The following ZNF644 variants were observed in gnomAD, a reference collection of about 807,000 sequenced individuals.
The protein encoded by ZNF644 is zinc finger protein 644.
Under a neutral mutation model 108.0 loss-of-function variants are expected in ZNF644, and 20 were observed. The observed-to-expected ratio is 0.19, with a 90% confidence interval of 0.13 to 0.27. The LOEUF is 0.27. Ranked by LOEUF, ZNF644 falls within the 10% of genes least tolerant of loss-of-function variation. The pLI is 1.00. For missense variants in ZNF644, 1,338 were observed against 1,548.9 expected, an observed-to-expected ratio of 0.86 and a Z score of 2.29; for synonymous variants, 542 against 539.1, an observed-to-expected ratio of 1.01 and a Z score of -0.08.
At chr1:90,936,514 T>G (rs546819506) in intron 4 of ZNF644, among the ~76,000 whole-genome samples, 1 of 152,150 alleles carries the variant, frequency 6.6e-6, no homozygotes, top group African/African-American at 2.4e-5. Context: ...GCATTACAAC[T>G]ATTCGGGATA....
chr1:90,954,411 C>CTT (rs907082184), intron 2 of ZNF644, among the ~76,000 whole-genome samples: 82 of 145,572 alleles, frequency 5.6e-4, no homozygotes, highest in African/African-American at 1.9e-3. Context: ...TCAGGTTCCA[C>CTT]TTTTTTTTTT....
chr1:90,977,360 G>C (rs947134633), intron 2 of ZNF644, among the ~76,000 whole-genome samples: 1 of 152,028 alleles, frequency 6.6e-6, no homozygotes, highest in Admixed American at 6.6e-5. Context: ...CAAATAATCT[G>C]ATTATTCAAT....
At chr1:90,988,149 A>T (rs550181707) in intron 1 of ZNF644, among the ~76,000 whole-genome samples, 6 of 152,266 alleles carry the variant, frequency 3.9e-5, no homozygotes, top group African/African-American at 1.4e-4. Context: ...ATATGCAGAA[A>T]ACTCTTAAAT....
chr1:90,950,823 G>A (rs1302741129), intron 2 of ZNF644, among the ~76,000 whole-genome samples: 1 of 152,132 alleles, frequency 6.6e-6, no homozygotes, highest in African/African-American at 2.4e-5. Flanking sequence ...TGCAGGTCAA[G>A]TATTAATTTC....
chr1:90,950,280 G>A (rs187281217), intron 2 of ZNF644, among the ~76,000 whole-genome samples: 12 of 35,192 alleles, frequency 3.4e-4, no homozygotes, highest in African/African-American at 1.2e-3. Context: ...CCATCTCAAG[G>A]GAAGGGAAGG....
chr1:90,926,324 T>G (rs1650030509), intron 4 of ZNF644, among the ~76,000 whole-genome samples: 1 of 152,152 alleles, frequency 6.6e-6, no homozygotes, highest in Non-Finnish European at 1.5e-5. Flanking sequence ...ACACTAAGCT[T>G]GTGTGCACCC....
chr1:90,953,480 C>T (rs896792881), intron 2 of ZNF644, among the ~76,000 whole-genome samples: 3 of 151,496 alleles, frequency 2.0e-5, no homozygotes, highest in Admixed American at 1.3e-4. Flanking sequence ...CACCGTGGCA[C>T]ACATTTACCT....
intron 1 of ZNF644, among the ~76,000 whole-genome samples, chr1:90,982,725 T>G (rs1159166393): frequency 6.6e-6 from 1 of 152,112 alleles, no homozygotes; most frequent in African/African-American, 2.4e-5. Flanking sequence ...GATCAGTATT[T>G]ATTTAATATT....
At chr1:91,005,727 G>A (rs1659354552) in intron 1 of ZNF644, among the ~76,000 whole-genome samples, 1 of 151,906 alleles carries the variant, frequency 6.6e-6, no homozygotes, top group Admixed American at 6.6e-5. Flanking sequence ...TGAGAAAAAT[G>A]AAAACAAAAA....
Position 90,918,111 on chromosome 1 carries a change from G to C in ZNF644, c.3732C>G (p.Ser1244Arg). The part of the protein sequence containing the change: ...KQKKSRSRSG[S>R]KKKMLTLPHG... ...GAGGTAATGTTAGCATTTTCTTCTT[G>C]CTTCCAGATCTTGACCTTGATTTCT... Residue 1244 changes from serine to arginine, a missense_variant, in exon 5 of 6, where the codon AGC becomes AGG. Physicochemically the swap from Ser to Arg is moderately radical, Grantham distance 110. Coordinates refer to ENST00000337393, the MANE Select transcript of ZNF644 (RefSeq NM_201269.3). The C allele has an allele frequency of 2.5e-6, 4 of 1,614,054 alleles. No individual in the cohort carries two copies. The highest frequency in any genetic ancestry group is 3.4e-6 in the Non-Finnish European group (4 of 1,179,984).
At chr1:90,925,377 T>C (rs1649911210) in intron 4 of ZNF644, among the ~76,000 whole-genome samples, 1 of 152,166 alleles carries the variant, frequency 6.6e-6, no homozygotes, top group African/African-American at 2.4e-5. Context: ...CCGCTTTTTT[T>C]CTTAAAAATT....
chr1:90,963,080 A>C (rs1460303597), intron 2 of ZNF644, among the ~76,000 whole-genome samples: 2 of 152,174 alleles, frequency 1.3e-5, no homozygotes, highest in African/African-American at 4.8e-5. Context: ...GAGCATATAA[A>C]AACTCCTAAA....
intron 1 of ZNF644, among the ~76,000 whole-genome samples, chr1:91,003,347 A>T (rs1295968791): frequency 6.6e-6 from 1 of 152,246 alleles, no homozygotes; most frequent in African/African-American, 2.4e-5. Context: ...AATACTATGC[A>T]GCCATAAAAA....
rs766957307 is a variant in ZNF644 at position 90,941,304 on chromosome 1, T to C, written c.50A>G (p.Asn17Ser). ...ATTGTTGGCAAGCCCATTTAACACATTTAGTCTAGAAAATGGAAAAAAAAA... is the reference window on the plus strand; with the variant it reads ...ATTGTTGGCAAGCCCATTTAACACACTTAGTCTAGAAAATGGAAAAAAAAA... ...QDVNKTKSRL[N>S]VLNGLANNMD... Residue 17 changes from asparagine (N) to serine (S), a missense_variant, in exon 3 of 6, where the codon AAT (asparagine) becomes AGT (serine). Asn to Ser is a conservative substitution (Grantham distance 46). Around this residue, in one of 6 missense-constraint regions of ZNF644, gnomAD observed 464 missense variants for 457.9 expected, o/e 1.01. Transcript: ENST00000337393. 1.6e-5 allele frequency: 25 copies of C among 1,599,444 alleles called. 1 individual carries two copies. Among genetic ancestry groups the C allele is most frequent in the Non-Finnish European group, 2.1e-5 (25 of 1,176,556 alleles).
intron 2 of ZNF644, among the ~76,000 whole-genome samples, chr1:90,951,579 G>A (rs1049107521): frequency 2.0e-5 from 3 of 152,096 alleles, no homozygotes; most frequent in African/African-American, 7.2e-5. Context: ...ATTATCTTCT[G>A]AATAATGCCA....
intron 2 of ZNF644, among the ~76,000 whole-genome samples, chr1:90,979,154 A>G (rs377362431): frequency 2.2e-4 from 34 of 152,178 alleles, no homozygotes; most frequent in African/African-American, 8.0e-4. Context: ...TTAAAATTTA[A>G]GAAGTGTGTT....
intron 2 of ZNF644, among the ~76,000 whole-genome samples, chr1:90,958,508 G>C (rs899944173): frequency 5.9e-5 from 9 of 151,856 alleles, no homozygotes; most frequent in Admixed American, 2.0e-4. Context: ...ACGAGTCCCT[G>C]AACAACAAAA....
intron 2 of ZNF644, among the ~76,000 whole-genome samples, chr1:90,944,858 C>G (rs866219683): frequency 1.3e-5 from 2 of 152,274 alleles, no homozygotes; most frequent in South Asian, 4.1e-4. Flanking sequence ...GTACTCAAGA[C>G]TCATAGCTGT....
chr1:90,917,401 A>G (rs1146426), intron 5 of ZNF644, among the ~76,000 whole-genome samples: 18,464 of 152,202 alleles, frequency 0.12, 1,164 homozygotes, highest in South Asian at 0.16. Context: ...ATGAGGGGAG[A>G]GAAAATGTGT....
Sources: allele counts gnomAD v4.1 joint callset (sites outside exome capture counted in the v4.1 genomes callset), GRCh38; gene constraint gnomAD v4.1.1; regional missense constraint gnomAD v4.1.1; transcripts MANE v1.5; gene names NCBI Gene and HGNC (gene_info 2026-07-23, HGNC 2026-07-21).